The following HMCN2 variants were observed in gnomAD, a reference collection of about 807,000 sequenced individuals.
The protein encoded by HMCN2 is hemicentin 2, also known as hemicentin-2.
HMCN2 carries 325 observed loss-of-function variants against 377.5 expected under a neutral mutation model. The ratio of observed to expected loss-of-function variants is 0.86; its 90% CI spans 0.79 to 0.94. The LOEUF (loss-of-function observed/expected upper bound fraction) is 0.94, where lower values mean the gene tolerates loss of function less well. HMCN2 is among the 40% of genes least tolerant of loss of function. The pLI is 0.00. For synonymous variants in HMCN2, 2,007 were observed against 2,046.8 expected, an observed-to-expected ratio of 0.98 and a Z score of 0.53; for missense variants, 4,543 against 4,725.3, an observed-to-expected ratio of 0.96 and a Z score of 1.13.
At chr9:130,392,768 G>A (rs562072317) in intron 66 of HMCN2, among the ~76,000 whole-genome samples, 12 of 152,210 alleles carry the variant, frequency 7.9e-5, no homozygotes, top group Admixed American at 3.3e-4. Flanking sequence ...AGGCCAAGGC[G>A]GGCAGATTAC....
chr9:130,377,434 C>T (rs1013972095), intron 52 of HMCN2, among the ~76,000 whole-genome samples: 2 of 152,232 alleles, frequency 1.3e-5, no homozygotes, highest in African/African-American at 4.8e-5. Context: ...AAAAGTTGAA[C>T]TCTTTGTAAA....
At chr9:130,348,239 T>C (rs1839495909) in intron 26 of HMCN2, among the ~76,000 whole-genome samples, 1 of 152,218 alleles carries the variant, frequency 6.6e-6, no homozygotes, top group South Asian at 2.1e-4. Context: ...GGACCCTCCC[T>C]GGTCACTGTG....
chr9:130,320,712 C>T (rs1260244401), intron 17 of HMCN2, 64 bp from the exon 18 acceptor site: 1 of 152,240 alleles, frequency 6.6e-6, no homozygotes, highest in Non-Finnish European at 1.5e-5. Flanking sequence ...GAGCAGGAGC[C>T]TCTGTCCCCC....
rs1007774346 is a variant in HMCN2, at chr9:130,347,490, C to T, written c.4024+130C>T. 3.5e-4 allele frequency: 54 copies of T among 152,176 alleles called. 2 individuals carry two copies. In the South Asian group the frequency reaches 8.7e-3, roughly 25 times the overall value. 9.4% of individuals were successfully genotyped at this position (152,176 alleles called of 1,614,324 possible). A position where few individuals can be genotyped will look rare whatever the true frequency, so the allele number is the denominator to read the frequency against. On this transcript the variant is annotated intron_variant, in intron 26 of 97. Coordinates refer to ENST00000683500, the MANE Select transcript of HMCN2 (RefSeq NM_001291815.2). This position sits in a 1 kb window ranked among gnomAD's most constrained non-coding sequence, Gnocchi z 5.1. ...AGCCGGGGGTCTGACAGTACCACGG[C>T]GTGCCCAGGTGTGGCAGTGCCAGTT...
rs552949434 is a variant in HMCN2, at chr9:130,351,324, C to T, written c.4431-99C>T. On this transcript the variant is annotated intron_variant, in intron 29 of 97. Coordinates refer to ENST00000683500, the MANE Select transcript of HMCN2 (RefSeq NM_001291815.2). The surrounding 1 kb of genome is among the most constrained non-coding windows in gnomAD (Gnocchi z 5.4). ...CCCACCTCTTGGCGCTAATGAATGG[C>T]CCAGCCTCGCTTTTTACAAGCCACA... 1 of 983,848 alleles carries T rather than the reference C, an allele frequency of 1.0e-6. No individual in the cohort carries two copies. The highest frequency in any genetic ancestry group is 1.3e-6 in the Non-Finnish European group (1 of 742,452). The allele number at this position is 983,848 out of a possible 1,614,324, so 60.9% of individuals were successfully genotyped here.
chr9:130,431,475 A>G lies in HMCN2; in HGVS notation c.14756A>G (p.Lys4919Arg). 1 of 1,549,446 alleles carries G rather than the reference A, an allele frequency of 6.5e-7. No individual in the cohort carries two copies. The highest frequency in any genetic ancestry group is 8.7e-7 in the Non-Finnish European group (1 of 1,146,768). ...GGCTACCGTCTGCTCCCCAGCGGGAAGAACTGCCAGGGTGAGCCGGGCTCA... is the reference window on the plus strand; with the variant it reads ...GGCTACCGTCTGCTCCCCAGCGGGAGGAACTGCCAGGGTGAGCCGGGCTCA... ...PAGYRLLPSG[K>R]NCQDINECEE... Residue 4919 changes from lysine (K) to arginine (R), a missense_variant, in exon 96 of 98, where the codon AAG (lysine) becomes AGG (arginine). Physicochemically the swap from Lys to Arg is conservative, Grantham distance 26 (BLOSUM62 2). Transcript: ENST00000683500.
chr9:130,309,586 C>T (rs1301341272), intron 14 of HMCN2, among the ~76,000 whole-genome samples: 1 of 151,834 alleles, frequency 6.6e-6, no homozygotes, highest in African/African-American at 2.4e-5. Context: ...CAGAGCCCTC[C>T]CAGAGCTGAC....
At position 130,369,690 on chromosome 9, in the gene HMCN2, G is replaced by A. The variant is rs899630321; in HGVS notation, c.6908G>A (p.Arg2303Gln). 1.1e-5 allele frequency: 11 copies of A among 985,896 alleles called. No individual in the cohort carries two copies. Among genetic ancestry groups the A allele is most frequent in the Admixed American group, 6.1e-5 (1 of 16,274 alleles). The allele number at this position is 985,896 out of a possible 1,614,324, so 61.1% of individuals were successfully genotyped here. Residue 2303 changes from arginine to glutamine, a missense_variant, in exon 45 of 98, where the codon CGG becomes CAG. Transcript: ENST00000683500. This position sits in a 1 kb window ranked among gnomAD's most constrained non-coding sequence, Gnocchi z 4.5. ...GKPPPTVTWE[R>Q]DGQPVGAELG... ...CCCCCTCCGACAGTGACATGGGAGC[G>A]GGACGGCCAGCCCGTGGGGGCTGAA...
chr9:130,307,512 G>A lies in HMCN2; in HGVS notation c.2146G>A (p.Val716Met). The change falls in exon 14 of 98, where the codon GTG becomes ATG. Residue 716 changes from valine to methionine, a missense_variant. Physicochemically the swap from Val to Met is conservative, Grantham distance 21. Coordinates refer to ENST00000683500, the MANE Select transcript of HMCN2 (RefSeq NM_001291815.2). ...GCTGGTGGCCGTTGGGGAGGAGGCT[G>A]TGTTGGTGTGTGAGGCATCTGGGGT... Reference protein sequence around the residue: ...VVLVAVGEEAVLVCEASGVPP... With the variant: ...VVLVAVGEEAMLVCEASGVPP... The A allele has an allele frequency of 2.1e-6, 1 of 471,232 alleles. No individual in the cohort carries two copies. Among genetic ancestry groups the A allele is most frequent in the Non-Finnish European group, 4.4e-6 (1 of 227,074 alleles). The allele number at this position is 471,232 out of a possible 1,614,324, so 29.2% of individuals were successfully genotyped here. A position where few individuals can be genotyped will look rare whatever the true frequency, so the allele number is the denominator to read the frequency against.
At position 130,393,978 on chromosome 9, in the gene HMCN2, G is replaced by C; in HGVS notation, c.10471G>C (p.Ala3491Pro). The C allele has an allele frequency of 7.8e-7, 1 of 1,276,296 alleles. No homozygotes were observed. The highest frequency in any genetic ancestry group is 1.0e-6 in the Non-Finnish European group (1 of 982,974). The allele number at this position is 1,276,296 out of a possible 1,614,324, so 79.1% of individuals were successfully genotyped here. A position where few individuals can be genotyped will look rare whatever the true frequency, so the allele number is the denominator to read the frequency against. ...TGTGGCCGTGAGCGAGGCGGGGGAA[G>C]CCAGGAGGCATTTCCAGCTGACCGT... is the stretch of plus-strand genomic sequence containing the variant. ...SCVAVSEAGE[A>P]RRHFQLTVME... Residue 3491 changes from alanine (A) to proline (P), a missense_variant, in exon 68 of 98, where the codon GCC (alanine) becomes CCC (proline). Ala to Pro is a conservative substitution (Grantham distance 27, BLOSUM62 -1). Around this residue, in one of 5 missense-constraint regions of HMCN2, gnomAD observed 1,073 missense variants for 1,319.5 expected, o/e 0.81. Transcript: ENST00000683500. This position sits in a 1 kb window ranked among gnomAD's most constrained non-coding sequence, Gnocchi z 5.2.
At chr9:130,397,938 A>G (rs1471754211) in intron 74 of HMCN2, among the ~76,000 whole-genome samples, 1 of 151,982 alleles carries the variant, frequency 6.6e-6, no homozygotes, top group African/African-American at 2.4e-5. Flanking sequence ...ACTTGATCCC[A>G]GGAGTTTGAG....
At position 130,373,108 on chromosome 9, in the gene HMCN2, T is replaced by C. The variant is rs1841127861; in HGVS notation, c.7422T>C (p.Leu2474=). Residue 2474 remains leucine (L), a synonymous_variant, in exon 48 of 98, where the codon CTT becomes CTC. Coordinates refer to ENST00000683500, the MANE Select transcript of HMCN2 (RefSeq NM_001291815.2). ...IKVLDGQTAH[L]MCNVTGHPQP... is the part of the protein sequence containing the mutation. ...TCCTTGATGGACAGACTGCCCATCT[T>C]ATGTGCAACGTCACAGGTAAGGGCC... is the stretch of plus-strand genomic sequence containing the variant. The C allele has an allele frequency of 1.4e-5, 14 of 982,488 alleles. No individual in the cohort carries two copies. The highest frequency in any genetic ancestry group is 1.7e-5 in the Non-Finnish European group (14 of 827,416). The allele number at this position is 982,488 out of a possible 1,614,324, so 60.9% of individuals were successfully genotyped here.
chr9:130,329,934 A>G (rs1457463788), intron 22 of HMCN2, among the ~76,000 whole-genome samples: 1 of 151,846 alleles, frequency 6.6e-6, no homozygotes, highest in Admixed American at 6.6e-5. Context: ...GAAAACACAC[A>G]GTGAGACTTT....
rs770265458 is a variant in HMCN2, at chr9:130,431,450, G to A, written c.14731G>A (p.Gly4911Ser). The A allele has an allele frequency of 1.6e-4, 246 of 1,549,950 alleles. No individual in the cohort carries two copies. The highest frequency in any genetic ancestry group is 1.9e-4 in the Non-Finnish European group (217 of 1,146,826). Residue 4911 changes from glycine (G) to serine (S), a missense_variant, in exon 96 of 98, where the codon GGC (glycine) becomes AGC (serine). Coordinates refer to ENST00000683500, the MANE Select transcript of HMCN2 (RefSeq NM_001291815.2). ...EGSYQCLCPA[G>S]YRLLPSGKNC... The stretch of plus-strand genomic sequence containing the variant: ...CAGCTACCAGTGCCTGTGCCCCGCC[G>A]GCTACCGTCTGCTCCCCAGCGGGAA...
rs1171266391 is a variant in HMCN2, at chr9:130,433,545, T to C, written c.15092T>C (p.Leu5031Pro). ...CCCGACCCCCGCAGCCCCTTCGCGC[T>C]GCGTCCGCTGCGCGCGGGCCTTGGC... ...LEPDPRSPFA[L>P]RPLRAGLGAV... The change falls in exon 98 of 98, where the codon CTG becomes CCG. Residue 5031 changes from leucine to proline, a missense_variant. By Grantham distance (98) the Leu-to-Pro change is moderately conservative. Transcript: ENST00000683500. 4.1e-6 allele frequency: 6 copies of C among 1,469,366 alleles called. No homozygotes were observed. Among genetic ancestry groups the C allele is most frequent in the Middle Eastern group, 3.5e-4 (2 of 5,740 alleles). 91.0% of individuals were successfully genotyped at this position (1,469,366 alleles called of 1,614,324 possible).
intron 4 of HMCN2, among the ~76,000 whole-genome samples, chr9:130,286,871 C>A (rs1485603366): frequency 6.6e-6 from 1 of 152,170 alleles, no homozygotes; most frequent in African/African-American, 2.4e-5. Flanking sequence ...CTCAGCCTTG[C>A]TCCTGGACAG....
Position 130,373,057 on chromosome 9 carries a change from C to T in HMCN2, c.7371C>T (p.Asn2457=), listed in dbSNP as rs528997030. Reference sequence around the variant, plus strand: ...TCCCAGTTCCTCCCAGTATTGAGAACGAGGACTTGGAGGAGGTGATCAAGG... The same window carrying T: ...TCCCAGTTCCTCCCAGTATTGAGAATGAGGACTTGGAGGAGGTGATCAAGG... The part of the protein sequence containing the change: ...VEVLVPPSIE[N]EDLEEVIKVL... Residue 2457 remains asparagine, a synonymous_variant, in exon 48 of 98, where the codon AAC becomes AAT. Transcript: ENST00000683500. 12 of 952,012 alleles carry T rather than the reference C, an allele frequency of 1.3e-5. No individual in the cohort carries two copies. The highest frequency in any genetic ancestry group is 2.7e-4 in the East Asian group (2 of 7,288). The allele number at this position is 952,012 out of a possible 1,614,324, so 59.0% of individuals were successfully genotyped here. A position where few individuals can be genotyped will look rare whatever the true frequency, so the allele number is the denominator to read the frequency against.
Position 130,360,438 on chromosome 9 carries a change from G to T in HMCN2, c.5784G>T (p.Trp1928Cys). Residue 1928 changes from tryptophan (W) to cysteine (C), a missense_variant, in exon 38 of 98, where the codon TGG becomes TGT. Around this residue, in one of 5 missense-constraint regions of HMCN2, gnomAD observed 1,032 missense variants for 1,285.1 expected, o/e 0.80. Transcript: ENST00000683500. The surrounding 1 kb of genome is among the most constrained non-coding windows in gnomAD (Gnocchi z 4.7). ...TCTTCCTTTCCCCAGATGTCTCCTG[G>T]TTCAAGGGCCACCAACCTGTCTCTT... ...ASGVPPPDVS[W>C]FKGHQPVSSW... is the part of the protein sequence containing the mutation. The T allele has an allele frequency of 7.7e-7, 1 of 1,296,806 alleles. No homozygotes were observed. Among genetic ancestry groups the T allele is most frequent in the Non-Finnish European group, 1.0e-6 (1 of 985,400 alleles). 80.3% of individuals were successfully genotyped at this position (1,296,806 alleles called of 1,614,324 possible).
chr9:130,401,079 C>G (rs374368217), intron 77 of HMCN2, 132 bp downstream of exon 77: 2 of 759,338 alleles, frequency 2.6e-6, no homozygotes, highest in Non-Finnish European at 3.6e-6. Context: ...GCTGTGTGAC[C>G]TGGGAGGACC....
Sources: allele counts gnomAD v4.1 joint callset (sites outside exome capture counted in the v4.1 genomes callset), GRCh38; gene constraint gnomAD v4.1.1; regional missense constraint gnomAD v4.1.1; non-coding constraint Gnocchi (gnomAD v3.1); transcripts MANE v1.5; gene names NCBI Gene and HGNC (gene_info 2026-07-23, HGNC 2026-07-21).